The following SENP2 variants were observed in gnomAD, a reference collection of about 807,000 sequenced individuals.
SENP2 encodes the protein SUMO specific peptidase 2.
SENP2 carries 16 observed loss-of-function variants against 86.3 expected under a neutral mutation model. The observed-to-expected ratio is 0.19, with a 90% confidence interval of 0.13 to 0.28. The LOEUF (loss-of-function observed/expected upper bound fraction) is 0.28, where lower values mean the gene tolerates loss of function less well. Ranked by LOEUF, SENP2 falls within the 10% of genes least tolerant of loss-of-function variation. The pLI is 1.00. For missense variants in SENP2, 552 were observed against 703.0 expected, an observed-to-expected ratio of 0.79 and a Z score of 2.43; for synonymous variants, 222 against 238.7, an observed-to-expected ratio of 0.93 and a Z score of 0.64.
At chr3:185,610,974 T>C (rs796632821) in intron 7 of SENP2, among the ~76,000 whole-genome samples, 10 of 147,938 alleles carry the variant, frequency 6.8e-5, no homozygotes, top group African/African-American at 2.0e-4. Context: ...AATAAATAAA[T>C]AATTAAAGTT....
At chr3:185,591,379 T>A (rs977198856) in intron 2 of SENP2, among the ~76,000 whole-genome samples, 1 of 151,882 alleles carries the variant, frequency 6.6e-6, no homozygotes, top group Non-Finnish European at 1.5e-5. Context: ...TGAGATGGAG[T>A]CTCGCTCTGT....
intron 8 of SENP2, 112 bp from the exon 9 acceptor site, chr3:185,612,495 A>G: frequency 1.4e-6 from 1 of 722,598 alleles, no homozygotes; most frequent in East Asian, 2.7e-5. Context: ...TCACTGTAGC[A>G]TTTCAATGTA....
chr3:185,624,061 C>T lies in SENP2; in HGVS notation c.1590C>T (p.Thr530=), dbSNP rs777774305. The change falls in exon 15 of 17, where the codon ACC becomes ACT. Residue 530 remains threonine, a synonymous_variant. Transcript: ENST00000296257. ...RNSDLNLLEW[T]HHSMKPHEIP... ...GTGATCTGAATCTTTTAGAGTGGAC[C>T]CATCACAGCATGAAACCACACGTGA... 1.9e-6 allele frequency: 3 copies of T among 1,611,434 alleles called. No individual in the cohort carries two copies. The highest frequency in any genetic ancestry group is 2.2e-5 in the East Asian group (1 of 44,746).
chr3:185,624,855 G>A (rs1305252846), intron 15 of SENP2, among the ~76,000 whole-genome samples: 3 of 146,388 alleles, frequency 2.0e-5, no homozygotes, highest in Middle Eastern at 3.3e-3. Context: ...GCAACAGAGC[G>A]AGACTGTCTC....
At chr3:185,598,885 A>G in intron 3 of SENP2, 73 bp from the exon 4 acceptor site, 2 of 1,212,528 alleles carry the variant, frequency 1.6e-6, no homozygotes, top group South Asian at 2.6e-5. Flanking sequence ...AGAAAAAGTT[A>G]TCTTTTCATA....
intron 8 of SENP2, 129 bp downstream of exon 8, chr3:185,611,874 G>C: frequency 1.4e-6 from 1 of 709,268 alleles, no homozygotes; most frequent in Non-Finnish European, 2.3e-6. Flanking sequence ...TCACAGCATT[G>C]GGCCGGGCGC....
At chr3:185,606,102 ACTCT>A (rs1049078352) in intron 5 of SENP2, among the ~76,000 whole-genome samples, 17 of 151,946 alleles carry the variant, frequency 1.1e-4, no homozygotes, top group African/African-American at 3.9e-4. Context: ...GAAGGCAGAG[ACTCT>A]CTTTGTGTGG....
chr3:185,605,244 G>A (rs1348162077), intron 5 of SENP2, among the ~76,000 whole-genome samples: 3 of 151,512 alleles, frequency 2.0e-5, no homozygotes, highest in Non-Finnish European at 2.9e-5. Flanking sequence ...GGTGGCAGGC[G>A]CCTGTAACCC....
chr3:185,625,065 A>G (rs1712077662), intron 15 of SENP2, among the ~76,000 whole-genome samples: 1 of 152,064 alleles, frequency 6.6e-6, no homozygotes, highest in Non-Finnish European at 1.5e-5. Flanking sequence ...GGCTTGAGAG[A>G]AAAGTGTGAG....
At position 185,626,298 on chromosome 3, in the gene SENP2, G is replaced by T; in HGVS notation, c.1612G>T (p.Glu538Ter). The T allele has an allele frequency of 6.3e-7, 1 of 1,597,080 alleles. No homozygotes were observed. The change falls in exon 16 of 17, where the codon GAG becomes TAG. Residue 538 changes from glutamate (E) to a stop codon, truncating the protein, a stop_gained and splice_region_variant. Coordinates refer to ENST00000296257, the MANE Select transcript of SENP2 (RefSeq NM_021627.3). LOFTEE classifies it high-confidence loss of function. ...TCTTCTTTTTTCTTTGTAATTTTAG[G>T]AGATTCCTCAACAGCTGAATGGGAG... ...EWTHHSMKPH[E>*]IPQQLNGSDC...
intron 5 of SENP2, among the ~76,000 whole-genome samples, chr3:185,603,475 A>G (rs1722414445): frequency 6.6e-6 from 1 of 152,208 alleles, no homozygotes; most frequent in South Asian, 2.1e-4. Flanking sequence ...AAGATAAAGA[A>G]AAGCTGAAAA....
intron 2 of SENP2, among the ~76,000 whole-genome samples, chr3:185,593,013 AAAAAC>A (rs1220902838): frequency 1.3e-5 from 2 of 152,260 alleles, no homozygotes; most frequent in Non-Finnish European, 2.9e-5. Context: ...TAAAAAATAA[AAAAAC>A]AAAGATAGTA....
rs575606370 is a variant in SENP2 at position 185,628,436 on chromosome 3, G to T, written c.1708-1346G>T. On this transcript the variant is annotated intron_variant, in intron 16 of 16. Transcript: ENST00000296257. ...ACAGGCATGTGCCACCACGCCCGGTGACATCACTAGTTTATAGTAAGGGAC... is the reference window on the plus strand; with the variant it reads ...ACAGGCATGTGCCACCACGCCCGGTTACATCACTAGTTTATAGTAAGGGAC... 2.6e-5 allele frequency among the ~76,000 whole-genome samples: 4 copies of T among 151,286 alleles called. No individual in the cohort carries two copies. In the East Asian group the frequency reaches 7.9e-4, roughly 30 times the overall value.
At chr3:185,625,649 C>T (rs1712111124) in intron 15 of SENP2, among the ~76,000 whole-genome samples, 1 of 152,102 alleles carries the variant, frequency 6.6e-6, no homozygotes. Flanking sequence ...AGTGTTTTTG[C>T]CTTACGGCAG....
In SENP2 at chr3:185,616,363, C is replaced by G. The variant is rs1278112626; in HGVS notation, c.1111-1117C>G. Among the ~76,000 whole-genome samples the G allele has an allele frequency of 2.7e-5, 4 of 149,012 alleles. 1 individual carries two copies. Among genetic ancestry groups the G allele is most frequent in the Non-Finnish European group, 5.9e-5 (4 of 67,518 alleles). ...GTGTGCACCTGTAATTCCAGCTAAT[C>G]AGGAGACTGAGGCATGAAAATTGCT... On this transcript the variant is annotated intron_variant, in intron 11 of 16. Transcript: ENST00000296257.
At chr3:185,624,183 CT>C in intron 15 of SENP2, 101 bp downstream of exon 15, 1 of 676,322 alleles carries the variant, frequency 1.5e-6, no homozygotes, top group Non-Finnish European at 2.5e-6. Context: ...TCCCTGCATG[CT>C]TTTAAAGTAC....
intron 6 of SENP2, among the ~76,000 whole-genome samples, chr3:185,607,484 A>T (rs1722556321): frequency 6.6e-6 from 1 of 151,198 alleles, no homozygotes; most frequent in Non-Finnish European, 1.5e-5. Flanking sequence ...ATGTGCCACC[A>T]CGCCTGGCTA....
intron 1 of SENP2, among the ~76,000 whole-genome samples, chr3:185,588,262 G>T (rs1227915269): frequency 6.6e-6 from 1 of 150,394 alleles, no homozygotes; most frequent in Non-Finnish European, 1.5e-5. Context: ...TTTCACCGTG[G>T]TCTCGATCTC....
chr3:185,588,257 C>T (rs1484846227), intron 1 of SENP2, among the ~76,000 whole-genome samples: 2 of 150,940 alleles, frequency 1.3e-5, no homozygotes, highest in Non-Finnish European at 1.5e-5. Context: ...CGGGGTTTCA[C>T]CGTGGTCTCG....
Sources: gnomAD v4.1 joint callset for allele counts (sites outside exome capture counted in the v4.1 genomes callset) on GRCh38, gnomAD v4.1.1 for gene constraint, MANE v1.5 for transcripts, NCBI Gene and HGNC (gene_info 2026-07-23, HGNC 2026-07-21) for gene names.